Variants in NEDD4L observed in about 807,000 individuals in gnomAD.
NEDD4L encodes NEDD4 like E3 ubiquitin protein ligase.
Under a neutral mutation model 148.9 loss-of-function variants are expected in NEDD4L, and 54 were observed. The observed-to-expected ratio is 0.36, with a 90% CI of 0.29 to 0.45. The LOEUF is 0.45. Among genes scored for constraint, NEDD4L ranks in the 20% least tolerant of loss-of-function variants. The pLI is 1.00. For missense variants in NEDD4L, 856 were observed against 1,233.8 expected, an observed-to-expected ratio of 0.69 and a Z score of 4.59; for synonymous variants, 433 against 440.7, an observed-to-expected ratio of 0.98 and a Z score of 0.22.
Position 58,195,614 on chromosome 18 carries a change from C to T in NEDD4L, c.122+29753C>T, listed in dbSNP as rs541747817. The T allele has an allele frequency of 7.8e-5, 105 of 1,346,612 alleles. 1 individual carries two copies. The African/African-American group carries it at 1.3e-3, about 17-fold the overall frequency. The allele number at this position is 1,346,612 out of a possible 1,614,324, so 83.4% of individuals were successfully genotyped here. ...TGTTGGTTACCTGGCCGGGAGCTGG[C>T]GGAGACCAGGATTTCTCCTCGCCGC... On this transcript the variant is annotated intron_variant, in intron 2 of 30. Transcript: ENST00000400345.
intron 1 of NEDD4L, among the ~76,000 whole-genome samples, chr18:58,048,573 C>T (rs764881915): frequency 1.4e-4 from 21 of 152,260 alleles, no homozygotes; most frequent in Middle Eastern, 3.4e-3. Context: ...AATATCCTCC[C>T]CTTCTGACAA....
At chr18:58,201,272 G>T (rs2041374036) in intron 2 of NEDD4L, among the ~76,000 whole-genome samples, 1 of 152,134 alleles carries the variant, frequency 6.6e-6, no homozygotes, top group Admixed American at 6.5e-5. Context: ...AGCAGAGGTT[G>T]CAGTGAGCCG....
chr18:58,208,188 A>G (rs1337975990), intron 2 of NEDD4L, among the ~76,000 whole-genome samples: 3 of 152,234 alleles, frequency 2.0e-5, no homozygotes, highest in Non-Finnish European at 2.9e-5. Context: ...ACTCGGGGGA[A>G]AGTATTCAGG....
chr18:58,197,461 C>T (rs1013303257), intron 2 of NEDD4L, among the ~76,000 whole-genome samples: 2 of 152,170 alleles, frequency 1.3e-5, no homozygotes, highest in African/African-American at 2.4e-5. Flanking sequence ...TTGCCATTGA[C>T]GTGCCCTTCT....
chr18:58,286,719 A>G (rs1189071530), intron 5 of NEDD4L, among the ~76,000 whole-genome samples: 1 of 152,222 alleles, frequency 6.6e-6, no homozygotes, highest in African/African-American at 2.4e-5. Context: ...AGCACACAGT[A>G]GTGCTAATTG....
At position 58,385,580 on chromosome 18, in the gene NEDD4L, C is replaced by G; in HGVS notation, c.2481C>G (p.Phe827Leu). 1 of 1,613,566 alleles carries G rather than the reference C, an allele frequency of 6.2e-7. No individual in the cohort carries two copies. The highest frequency in any genetic ancestry group is 1.3e-5 in the African/African-American group (1 of 75,038). The change falls in exon 26 of 31, where the codon TTC becomes TTG. Residue 827 changes from phenylalanine (F) to leucine (L), a missense_variant. Transcript: ENST00000400345. ...GGGTCCAGAAGCAGATGAACGCCTTCTTGGAGGTAAGCCATGCTGGCCAGG... is the reference window on the plus strand; with the variant it reads ...GGGTCCAGAAGCAGATGAACGCCTTGTTGGAGGTAAGCCATGCTGGCCAGG... ...VNRVQKQMNA[F>L]LEGFTELLPI...
intron 6 of NEDD4L, among the ~76,000 whole-genome samples, chr18:58,318,999 G>A (rs935411941): frequency 3.3e-5 from 5 of 152,330 alleles, no homozygotes; most frequent in East Asian, 3.9e-4. Flanking sequence ...CAGGGTGGTG[G>A]TATTATTTGA....
intron 5 of NEDD4L, among the ~76,000 whole-genome samples, chr18:58,294,417 C>A (rs1470825940): frequency 1.3e-5 from 2 of 152,132 alleles, no homozygotes; most frequent in African/African-American, 2.4e-5. Flanking sequence ...GTATTTTATT[C>A]TTTAACCAAG....
intron 2 of NEDD4L, among the ~76,000 whole-genome samples, chr18:58,210,228 G>T (rs2042462650): frequency 6.6e-6 from 1 of 152,118 alleles, no homozygotes; most frequent in South Asian, 2.1e-4. Context: ...AGACACAGGA[G>T]ATATCAATAG....
chr18:58,095,092 A>T (rs2084305865), intron 1 of NEDD4L, among the ~76,000 whole-genome samples: 1 of 152,140 alleles, frequency 6.6e-6, no homozygotes, highest in African/African-American at 2.4e-5. Context: ...TAGATGTTTC[A>T]CAAGTTAAGA....
At chr18:58,213,308 C>A (rs552642024) in intron 2 of NEDD4L, among the ~76,000 whole-genome samples, 1 of 152,236 alleles carries the variant, frequency 6.6e-6, no homozygotes, top group East Asian at 1.9e-4. Flanking sequence ...ATTATAGTGG[C>A]AAAATACTGA....
intron 2 of NEDD4L, among the ~76,000 whole-genome samples, chr18:58,214,669 G>T (rs1274130770): frequency 6.7e-6 from 1 of 150,280 alleles, no homozygotes; most frequent in Non-Finnish European, 1.5e-5. Flanking sequence ...TGTTTTAAAC[G>T]GGATCATGCT....
intron 2 of NEDD4L, among the ~76,000 whole-genome samples, chr18:58,202,946 C>T (rs951881517): frequency 6.6e-6 from 1 of 151,992 alleles, no homozygotes; most frequent in South Asian, 2.1e-4. Context: ...GTGTTAATAA[C>T]TGATAATATT....
chr18:58,298,780 A>G (rs974731896), intron 5 of NEDD4L, among the ~76,000 whole-genome samples: 3 of 152,154 alleles, frequency 2.0e-5, no homozygotes, highest in Non-Finnish European at 4.4e-5. Flanking sequence ...AGTCTCCTAA[A>G]TTACATTTTA....
Position 58,341,005 on chromosome 18 carries a change from G to T in NEDD4L, c.1126-33G>T, listed in dbSNP as rs759075234. The T allele has an allele frequency of 4.4e-6, 7 of 1,589,584 alleles. No homozygotes were observed. The African/African-American group carries it at 6.7e-5, about 15-fold the overall frequency. ...AAACTGATCAGAAAACAAATGCAAG[G>T]TATTAAATAATAATGATTTCTTGCA... is the stretch of plus-strand genomic sequence containing the variant. On this transcript the variant is annotated intron_variant, in intron 13 of 30. Transcript: ENST00000400345.
At chr18:58,218,895 T>C (rs1053302904) in intron 2 of NEDD4L, among the ~76,000 whole-genome samples, 16 of 152,150 alleles carry the variant, frequency 1.1e-4, no homozygotes, top group Non-Finnish European at 2.1e-4. Flanking sequence ...CTTCCCTCAG[T>C]GAATAGTATT....
chr18:58,384,807 C>T lies in NEDD4L; in HGVS notation c.2427-719C>T, dbSNP rs2048793635. ...GTCCTCAGGGCCATTACCATGGTTA[C>T]AGTGTACCACCCCGAAGGTGAGAAC... On this transcript the variant is annotated intron_variant, in intron 25 of 30. Transcript: ENST00000400345. Among the ~76,000 whole-genome samples the T allele has an allele frequency of 4.6e-5, 7 of 152,328 alleles. No individual in the cohort carries two copies. The South Asian group carries it at 1.5e-3, about 32-fold the overall frequency.
intron 2 of NEDD4L, among the ~76,000 whole-genome samples, chr18:58,204,068 T>C (rs1289492170): frequency 6.6e-6 from 1 of 152,254 alleles, no homozygotes; most frequent in Non-Finnish European, 1.5e-5. Flanking sequence ...GGCTGACGCC[T>C]GTAATCCCAG....
intron 1 of NEDD4L, among the ~76,000 whole-genome samples, chr18:58,147,659 A>G (rs923618762): frequency 6.6e-6 from 1 of 152,190 alleles, no homozygotes; most frequent in African/African-American, 2.4e-5. Flanking sequence ...ATCGAAGTAC[A>G]CGCGAGTTCA....
Sources: allele counts gnomAD v4.1 joint callset (sites outside exome capture counted in the v4.1 genomes callset), GRCh38; gene constraint gnomAD v4.1.1; transcripts MANE v1.5; gene names NCBI Gene and HGNC (gene_info 2026-07-23, HGNC 2026-07-21).